Variants in RNF34 observed in about 807,000 individuals in gnomAD.
RNF34 encodes the protein ring finger protein 34.
Under a neutral mutation model 37.9 loss-of-function variants are expected in RNF34, and 12 were observed. That is an observed-to-expected ratio of 0.32 (90% CI 0.20 to 0.51). The LOEUF (loss-of-function observed/expected upper bound fraction) is 0.51, where lower values mean the gene tolerates loss of function less well. RNF34 is among the 20% of genes least tolerant of loss of function. The pLI is 0.97. For synonymous variants in RNF34, 155 were observed against 177.2 expected (o/e 0.87, Z 1.00); for missense variants, 362 against 472.7 (o/e 0.77, Z 2.17).
intron 1 of RNF34, among the ~76,000 whole-genome samples, chr12:121,405,549 T>G (rs1347034590): frequency 6.6e-5 from 10 of 152,174 alleles, no homozygotes; most frequent in African/African-American, 2.2e-4. Context: ...AGTGGTGCAA[T>G]CTCTGCTTAC....
intron 1 of RNF34, among the ~76,000 whole-genome samples, chr12:121,412,914 A>G (rs548846218): frequency 1.4e-3 from 211 of 150,024 alleles, no homozygotes; most frequent in African/African-American, 4.9e-3. Context: ...ACGGGGTTTC[A>G]CCATGTTGGC....
intron 1 of RNF34, among the ~76,000 whole-genome samples, chr12:121,413,757 T>C (rs1871322818): frequency 6.6e-6 from 1 of 151,904 alleles, no homozygotes; most frequent in South Asian, 2.1e-4. Flanking sequence ...TTTGTATTTT[T>C]AGTAGAGACA....
intron 3 of RNF34, among the ~76,000 whole-genome samples, chr12:121,419,746 T>C (rs1871943506): frequency 6.6e-6 from 1 of 152,232 alleles, no homozygotes; most frequent in Non-Finnish European, 1.5e-5. Context: ...GCCTCAGCCA[T>C]CAGTGAAGTC....
chr12:121,402,658 G>T, intron 1 of RNF34: 1 of 768,970 alleles, frequency 1.3e-6, no homozygotes, highest in Non-Finnish European at 2.1e-6. Context: ...GTGCTAATCT[G>T]GGTTCTTCCA....
chr12:121,400,179 T>C lies in RNF34; in HGVS notation c.-34T>C, dbSNP rs781843715. ...GGAGCTGCTATGGTGCTGAGTTTCC[T>C]GGTAGAGCCGGCCGAGCTGAGGCGG... On this transcript the variant is annotated 5_prime_UTR_variant, in exon 1 of 6. Transcript: ENST00000361234. 2.5e-6 allele frequency: 4 copies of C among 1,606,340 alleles called. No homozygotes were observed. In the Middle Eastern group the frequency reaches 5.0e-4, roughly 200 times the overall value.
chr12:121,418,031 T>C, intron 3 of RNF34, 120 bp downstream of exon 3: 2 of 1,057,906 alleles, frequency 1.9e-6, no homozygotes, highest in Non-Finnish European at 2.8e-6. Context: ...GGAGTGAAGC[T>C]TCCACACCCA....
rs552001630 is a variant in RNF34, at chr12:121,415,221, T to G, written c.7-938T>G. 36 of 244,594 alleles carry G rather than the reference T, an allele frequency of 1.5e-4. 2 individuals are homozygous for G. The highest frequency in any genetic ancestry group is 1.4e-3 in the South Asian group (35 of 25,490). The allele number at this position is 244,594 out of a possible 1,614,324, so 15.2% of individuals were successfully genotyped here. On this transcript the variant is annotated intron_variant, in intron 1 of 5. Coordinates refer to ENST00000361234, the MANE Select transcript of RNF34 (RefSeq NM_025126.4). ...AAAAAAATCTAGAGAGAGTTTCAGT[T>G]GGTGTTTTGATGTTTTCCAAGTCAT...
chr12:121,417,483 C>T lies in RNF34; in HGVS notation c.226-21C>T. On this transcript the variant is annotated intron_variant, in intron 2 of 5. Coordinates refer to ENST00000361234, the MANE Select transcript of RNF34 (RefSeq NM_025126.4). The surrounding 1 kb of genome is among the most constrained non-coding windows in gnomAD (Gnocchi z 5.0). Reference sequence around the variant, plus strand: ...ATAATGGTTTATATCTTGCTGTCATCAAATGCTTTTCTTTCTTCAGCATGT... The same window carrying T: ...ATAATGGTTTATATCTTGCTGTCATTAAATGCTTTTCTTTCTTCAGCATGT... 6.3e-7 allele frequency: 1 copy of T among 1,595,140 alleles called. No homozygotes were observed. The highest frequency in any genetic ancestry group is 8.5e-7 in the Non-Finnish European group (1 of 1,170,072).
In RNF34 at chr12:121,417,665, G is replaced by A; in HGVS notation, c.387G>A (p.Leu129=). The change falls in exon 3 of 6, where the codon CTG becomes CTA. Residue 129 remains leucine (L), a synonymous_variant. Coordinates refer to ENST00000361234, the MANE Select transcript of RNF34 (RefSeq NM_025126.4). The surrounding 1 kb of genome is among the most constrained non-coding windows in gnomAD (Gnocchi z 5.0). ...KVKDLRQYLI[L]RNIPIDTCRE... ...AGGACCTGCGGCAGTATCTCATTCT[G>A]AGAAATATACCCATAGATACTTGTC... 6.2e-7 allele frequency: 1 copy of A among 1,614,180 alleles called. No homozygotes were observed. Among genetic ancestry groups the A allele is most frequent in the Non-Finnish European group, 8.5e-7 (1 of 1,180,038 alleles).
At chr12:121,411,370 TAC>T (rs1319513542) in intron 1 of RNF34, among the ~76,000 whole-genome samples, 6 of 152,238 alleles carry the variant, frequency 3.9e-5, no homozygotes, top group African/African-American at 1.2e-4. Flanking sequence ...AATTGGTATC[TAC>T]ACAGAGAATC....
intron 1 of RNF34, among the ~76,000 whole-genome samples, chr12:121,403,570 G>A (rs1371599864): frequency 1.3e-5 from 2 of 151,906 alleles, no homozygotes; most frequent in East Asian, 1.9e-4. Context: ...TTTTCCTGTC[G>A]TTTAACACAG....
intron 1 of RNF34, among the ~76,000 whole-genome samples, chr12:121,413,044 G>C (rs1158906677): frequency 7.0e-6 from 1 of 143,126 alleles, no homozygotes; most frequent in African/African-American, 2.7e-5. Context: ...TCCTCTTTTC[G>C]AGGCAGAGTC....
chr12:121,416,884 CTTTA>C (rs1432552583), intron 2 of RNF34, among the ~76,000 whole-genome samples: 1 of 152,128 alleles, frequency 6.6e-6, no homozygotes, highest in Non-Finnish European at 1.5e-5. Flanking sequence ...TCTCTTTGAT[CTTTA>C]GTTTAGTCTT....
In RNF34 at chr12:121,403,321, G is replaced by A. The variant is rs191800360; in HGVS notation, c.6+3103G>A. Among the ~76,000 whole-genome samples, 1,397 of 151,674 alleles carry A rather than the reference G, an allele frequency of 9.2e-3. 18 individuals are homozygous for A. Among genetic ancestry groups the A allele is most frequent in the African/African-American group, 0.028 (1,165 of 41,334 alleles). ...TGAGGCAGGAGAATGGCGTGAACCC[G>A]GGAGGCAGAGTTTGCAGTGAGCCAA... On this transcript the variant is annotated intron_variant, in intron 1 of 5. Transcript: ENST00000361234.
intron 1 of RNF34, among the ~76,000 whole-genome samples, chr12:121,404,224 C>G (rs546490493): frequency 1.0e-4 from 15 of 149,782 alleles, no homozygotes; most frequent in African/African-American, 3.7e-4. Flanking sequence ...CCAGGCTGGT[C>G]CCAAACTCCT....
chr12:121,414,844 A>G (rs1240389835), intron 1 of RNF34, among the ~76,000 whole-genome samples: 2 of 152,234 alleles, frequency 1.3e-5, no homozygotes, highest in African/African-American at 4.8e-5. Context: ...CTGTAATCCC[A>G]GCACTTCGGG....
At position 121,420,298 on chromosome 12, in the gene RNF34, G is replaced by GGAT. The variant is rs781817807; in HGVS notation, c.702_704dup (p.Asp234dup). On this transcript the variant is annotated inframe_insertion, in exon 4 of 6. Coordinates refer to ENST00000361234, the MANE Select transcript of RNF34 (RefSeq NM_025126.4). Reference sequence around the variant, plus strand: ...AAGATGATGATGACGACGATGATGAGGATGATGATGATGAAGAAGAAAACG... The same window carrying GGAT: ...AAGATGATGATGACGACGATGATGAGGATGATGATGATGATGAAGAAGAAAACG... The GGAT allele has an allele frequency of 2.3e-5, 36 of 1,584,840 alleles. No individual in the cohort carries two copies. In the Middle Eastern group the frequency reaches 1.2e-3, roughly 51 times the overall value.
intron 1 of RNF34, among the ~76,000 whole-genome samples, chr12:121,409,273 C>G (rs1870828256): frequency 6.6e-6 from 1 of 152,176 alleles, no homozygotes; most frequent in South Asian, 2.1e-4. Flanking sequence ...GACCACAACA[C>G]TTGGCCAAAA....
In RNF34 at chr12:121,404,156, C is replaced by T. The variant is rs1287057852; in HGVS notation, c.6+3938C>T. 4.9e-5 allele frequency among the ~76,000 whole-genome samples: 7 copies of T among 143,808 alleles called. No individual in the cohort carries two copies. In the East Asian group the frequency reaches 8.0e-4, roughly 16 times the overall value. 94.3% of individuals were successfully genotyped at this position (143,808 alleles called of 152,430 possible). On this transcript the variant is annotated intron_variant, in intron 1 of 5. Transcript: ENST00000361234. ...CAGCTTCCCAAGTAGCTGCCATGCC[C>T]GGCTAATTTTTTTTTTTTTTCTTCG...
Sources: allele counts gnomAD v4.1 joint callset (sites outside exome capture counted in the v4.1 genomes callset), GRCh38; gene constraint gnomAD v4.1.1; non-coding constraint Gnocchi (gnomAD v3.1); transcripts MANE v1.5; gene names NCBI Gene and HGNC (gene_info 2026-07-23, HGNC 2026-07-21).